KLF8: variants seen among roughly 807,000 people sequenced by gnomAD.
KLF8 encodes Krueppel-like factor 8.
A neutral mutation model predicts 18.2 loss-of-function variants in KLF8; 10 were observed. That is an observed-to-expected ratio of 0.55 (90% CI 0.34 to 0.93). The LOEUF is 0.93. Ranked by LOEUF, KLF8 falls within the 40% of genes least tolerant of loss-of-function variation. The pLI, the probability that KLF8 is intolerant of heterozygous loss-of-function variation, is 0.02. For synonymous variants in KLF8, 109 were observed against 97.3 expected (o/e 1.12, Z -0.71); for missense variants, 264 against 277.9 (o/e 0.95, Z 0.36).
the KLF8 span, among the ~76,000 whole-genome samples, chrX:56,168,780 G>A: frequency 9.0e-6 from 1 of 110,521 alleles, no homozygotes; most frequent in Admixed American, 9.7e-5. Context: ...AGTTTGCTGA[G>A]AATGATGGTT....
chrX:55,909,407 A>G, the KLF8 span, among the ~76,000 whole-genome samples: 2 of 112,597 alleles, frequency 1.8e-5, no homozygotes, highest in Admixed American at 1.9e-4. Context: ...CCATTTCCTG[A>G]AAGGCGCCAT....
chrX:56,167,563 G>A, the KLF8 span, among the ~76,000 whole-genome samples: 1 of 111,980 alleles, frequency 8.9e-6, no homozygotes, highest in Non-Finnish European at 1.9e-5. Context: ...CTTCAAGAGA[G>A]CCAACTAGGA....
At chrX:56,021,107 C>T in the KLF8 span, among the ~76,000 whole-genome samples, 1 of 112,298 alleles carries the variant, frequency 8.9e-6, no homozygotes, top group Non-Finnish European at 1.9e-5. Flanking sequence ...GTAATTGGCA[C>T]CAGAAATATG....
At chrX:56,089,450 G>A in the KLF8 span, among the ~76,000 whole-genome samples, 258 of 112,041 alleles carry the variant, frequency 2.3e-3, 2 homozygotes, top group Non-Finnish European at 5.6e-4. Flanking sequence ...TATGTATGAT[G>A]CTTGTTTTTA....
At chrX:55,928,698 A>G in the KLF8 span, among the ~76,000 whole-genome samples, 4 of 111,343 alleles carry the variant, frequency 3.6e-5, no homozygotes, top group African/African-American at 9.8e-5. Context: ...AAGAACATGA[A>G]CTCATCCTTT....
rs1056655620 is a variant in KLF8 at position 56,289,253 on chromosome X, C to T, written c.*4759C>T. Among the ~76,000 whole-genome samples the T allele has an allele frequency of 1.8e-5, 2 of 110,730 alleles. No individual in the cohort carries two copies. The highest frequency in any genetic ancestry group is 3.8e-5 in the Non-Finnish European group (2 of 52,934). ...TGATTCTCAAGTTCTTTTGACACAC[C>T]CCCATCATTTTTTTTTAGCACGTCC... On this transcript the variant is annotated 3_prime_UTR_variant, in exon 6 of 6. Transcript: ENST00000468660.
At chrX:56,084,015 A>C in the KLF8 span, among the ~76,000 whole-genome samples, 1 of 111,675 alleles carries the variant, frequency 9.0e-6, no homozygotes, top group Non-Finnish European at 1.9e-5. Context: ...TGATCTTTAA[A>C]ATTTTACAAG....
At chrX:56,182,519 G>C in the KLF8 span, among the ~76,000 whole-genome samples, 3 of 112,529 alleles carry the variant, frequency 2.7e-5, no homozygotes, top group African/African-American at 9.7e-5. Context: ...GCGAGGAGCT[G>C]TGTTCCTTTG....
At chrX:55,963,913 T>TTCCA in the KLF8 span, among the ~76,000 whole-genome samples, 1 of 111,397 alleles carries the variant, frequency 9.0e-6, no homozygotes, top group Non-Finnish European at 1.9e-5. Context: ...GCCAAAATTA[T>TTCCA]TCCATCTACA....
At chrX:55,942,841 A>G in the KLF8 span, among the ~76,000 whole-genome samples, 9 of 112,360 alleles carry the variant, frequency 8.0e-5, no homozygotes, top group South Asian at 3.7e-4. Flanking sequence ...TAGAAGTTCA[A>G]TGTGGCTGGT....
At chrX:56,136,879 A>G in the KLF8 span, among the ~76,000 whole-genome samples, 1 of 110,928 alleles carries the variant, frequency 9.0e-6, no homozygotes, top group Non-Finnish European at 1.9e-5. Context: ...AATACCCAGA[A>G]TTTACAATGA....
At chrX:56,028,345 A>G in the KLF8 span, among the ~76,000 whole-genome samples, 1 of 111,978 alleles carries the variant, frequency 8.9e-6, no homozygotes, top group East Asian at 2.8e-4. Context: ...CACAGCTCCT[A>G]GAAATTCCCT....
the KLF8 span, among the ~76,000 whole-genome samples, chrX:56,220,001 G>A: frequency 8.9e-6 from 1 of 112,228 alleles, no homozygotes; most frequent in East Asian, 2.8e-4. Flanking sequence ...ACGTTGTACT[G>A]AGGAGTAAAT....
the KLF8 span, among the ~76,000 whole-genome samples, chrX:56,083,807 G>A: frequency 1.8e-5 from 2 of 111,131 alleles, no homozygotes; most frequent in South Asian, 7.6e-4. Context: ...TGCATGTGAG[G>A]GATCTATGTT....
the KLF8 span, among the ~76,000 whole-genome samples, chrX:55,974,341 T>G: frequency 4.5e-5 from 5 of 110,544 alleles, no homozygotes; most frequent in East Asian, 1.1e-3. Flanking sequence ...GAAACAGAAA[T>G]AGAAAAAGAG....
chrX:56,096,542 G>C, the KLF8 span, among the ~76,000 whole-genome samples: 1 of 111,587 alleles, frequency 9.0e-6, no homozygotes, highest in Non-Finnish European at 1.9e-5. Flanking sequence ...AACAAAAGCA[G>C]GGATTAGTGG....
the KLF8 span, among the ~76,000 whole-genome samples, chrX:55,977,515 T>G: frequency 9.7e-6 from 1 of 103,137 alleles, no homozygotes; most frequent in South Asian, 4.4e-4. Context: ...GTGTGTGTGC[T>G]CCACAAAAGT....
chrX:56,269,979 C>T (rs767864521), intron 4 of KLF8, among the ~76,000 whole-genome samples: 39 of 111,977 alleles, frequency 3.5e-4, no homozygotes, highest in African/African-American at 1.2e-3. Context: ...TGAGCACCTA[C>T]TGAGGGACCT....
At chrX:56,111,734 C>T in the KLF8 span, among the ~76,000 whole-genome samples, 2 of 112,053 alleles carry the variant, frequency 1.8e-5, no homozygotes, top group African/African-American at 6.5e-5. Flanking sequence ...GAAAAAAAAG[C>T]TCATCATCAC....
Sources: gnomAD v4.1 joint callset for allele counts (sites outside exome capture counted in the v4.1 genomes callset) on GRCh38, gnomAD v4.1.1 for gene constraint, MANE v1.5 for transcripts, NCBI Gene and HGNC (gene_info 2026-07-23, HGNC 2026-07-21) for gene names.